IL1RAPL1: variants seen among roughly 807,000 people sequenced by gnomAD.
The protein encoded by IL1RAPL1 is interleukin-1 receptor accessory protein-like 1.
IL1RAPL1 carries 3 observed loss-of-function variants against 48.4 expected under a neutral mutation model. The observed-to-expected ratio is 0.06, with a 90% confidence interval of 0.03 to 0.16. IL1RAPL1 has a LOEUF of 0.16. IL1RAPL1 is among the 10% of genes least tolerant of loss of function. IL1RAPL1 has a pLI of 1.00. For missense variants in IL1RAPL1, 349 were observed against 530.6 expected (o/e 0.66, Z 3.36); for synonymous variants, 185 against 187.7 (o/e 0.99, Z 0.12).
intron 5 of IL1RAPL1, among the ~76,000 whole-genome samples, chrX:29,616,603 G>A (rs1342239854): frequency 9.2e-6 from 1 of 108,710 alleles, no homozygotes. Flanking sequence ...CCTTGTAGTA[G>A]TTTGCTGAGA....
intron 1 of IL1RAPL1, among the ~76,000 whole-genome samples, chrX:28,773,012 A>G (rs1661132037): frequency 9.0e-6 from 1 of 111,451 alleles, no homozygotes; most frequent in South Asian, 3.8e-4. Context: ...GTGATCACAT[A>G]TCTCCAATGA....
At chrX:28,616,308 G>T (rs780586752) in intron 1 of IL1RAPL1, among the ~76,000 whole-genome samples, 1 of 112,323 alleles carries the variant, frequency 8.9e-6, no homozygotes, top group African/African-American at 3.2e-5. Context: ...TTTCTGGTAC[G>T]TGCTTAGAAA....
chrX:28,884,686 C>T (rs921717308), intron 2 of IL1RAPL1, among the ~76,000 whole-genome samples: 5 of 111,784 alleles, frequency 4.5e-5, no homozygotes, highest in Non-Finnish European at 9.4e-5. Context: ...AGATTGATTA[C>T]TAAACTAACA....
chrX:28,885,315 C>T (rs1381997893), intron 2 of IL1RAPL1, among the ~76,000 whole-genome samples: 3 of 111,117 alleles, frequency 2.7e-5, no homozygotes, highest in Non-Finnish European at 3.8e-5. Context: ...ATCCAATTAA[C>T]TTTTTGCCTA....
intron 6 of IL1RAPL1, among the ~76,000 whole-genome samples, chrX:29,728,524 G>A (rs1340047440): frequency 1.8e-5 from 2 of 111,976 alleles, no homozygotes; most frequent in African/African-American, 6.5e-5. Flanking sequence ...CTGGATTTTA[G>A]AACAGAAAAT....
intron 2 of IL1RAPL1, among the ~76,000 whole-genome samples, chrX:28,958,446 C>T (rs920418747): frequency 8.1e-5 from 9 of 111,234 alleles, no homozygotes; most frequent in Middle Eastern, 4.7e-3. Flanking sequence ...ATTTGGGGGT[C>T]ATAACGTTTT....
rs201187319 is a variant in IL1RAPL1 at position 29,582,347 on chromosome X, ATC to A, written c.704-86081_704-86080del. Among the ~76,000 whole-genome samples, 107 of 85,763 alleles carry A rather than the reference ATC, an allele frequency of 1.2e-3. 2 individuals are homozygous for A. The highest frequency in any genetic ancestry group is 6.0e-3 in the African/African-American group (99 of 16,623). The allele number at this position is 85,763 out of a possible 115,157, so 74.5% of individuals were successfully genotyped here. On this transcript the variant is annotated intron_variant, in intron 5 of 10. Coordinates refer to ENST00000378993, the MANE Select transcript of IL1RAPL1 (RefSeq NM_014271.4). ...CTATTAAACTAATGATAAAGATAGC[ATC>A]TTTTTTTTTTTATTTTTTTATTTTT...
intron 2 of IL1RAPL1, among the ~76,000 whole-genome samples, chrX:28,956,948 T>C (rs1475014793): frequency 9.0e-6 from 1 of 110,945 alleles, no homozygotes; most frequent in Non-Finnish European, 1.9e-5. Context: ...GATCCTGTTA[T>C]TGGTCTATTC....
rs375613988 is a variant in IL1RAPL1 at position 28,944,161 on chromosome X, T to G, written c.82+154736T>G. Among the ~76,000 whole-genome samples, 13 of 110,992 alleles carry G rather than the reference T, an allele frequency of 1.2e-4. No homozygotes were observed. In the East Asian group the frequency reaches 2.2e-3, roughly 19 times the overall value. On this transcript the variant is annotated intron_variant, in intron 2 of 10. Coordinates refer to ENST00000378993, the MANE Select transcript of IL1RAPL1 (RefSeq NM_014271.4). ...ATGGGGGCAGAAGCTCATAATATTA[T>G]TTAAAAAATTATCGTGGAGAAAATT...
At chrX:29,373,725 C>T (rs1350571246) in intron 3 of IL1RAPL1, among the ~76,000 whole-genome samples, 1 of 109,973 alleles carries the variant, frequency 9.1e-6, no homozygotes, top group Non-Finnish European at 1.9e-5. Flanking sequence ...TGGTAAATTG[C>T]ATTTATTGAT....
At chrX:29,486,094 G>A (rs1178723000) in intron 5 of IL1RAPL1, among the ~76,000 whole-genome samples, 1 of 111,194 alleles carries the variant, frequency 9.0e-6, no homozygotes, top group Non-Finnish European at 1.9e-5. Flanking sequence ...TGCTCCTAGA[G>A]AGTTACTCTT....
chrX:29,179,159 G>C (rs969383751), intron 2 of IL1RAPL1, among the ~76,000 whole-genome samples: 51 of 110,776 alleles, frequency 4.6e-4, no homozygotes, highest in African/African-American at 1.6e-3. Flanking sequence ...TGATGGGAAT[G>C]GCATTGAATC....
Position 28,844,425 on chromosome X carries a change from T to C in IL1RAPL1, c.82+55000T>C, listed in dbSNP as rs62587497. 8.3e-3 allele frequency among the ~76,000 whole-genome samples: 903 copies of C among 109,053 alleles called. 9 individuals carry two copies. Among genetic ancestry groups the C allele is most frequent in the Non-Finnish European group, 0.012 (647 of 52,328 alleles). 94.7% of individuals were successfully genotyped at this position (109,053 alleles called of 115,157 possible). ...GCTTCCATTTATTCTCTTGGAACCC[T>C]GCTATCAACAGATGATGAAAGACTT... On this transcript the variant is annotated intron_variant, in intron 2 of 10. Transcript: ENST00000378993.
chrX:28,765,348 A>G (rs183481037), intron 1 of IL1RAPL1, among the ~76,000 whole-genome samples: 5 of 111,774 alleles, frequency 4.5e-5, no homozygotes, highest in Admixed American at 1.9e-4. Context: ...TCAGTGGGCT[A>G]GATTTGGCTC....
In IL1RAPL1 at chrX:29,335,255, GGGAGACGGAGACGGAGAC is replaced by G. The variant is rs1165942711; in HGVS notation, c.362+52044_362+52061del. On this transcript the variant is annotated intron_variant, in intron 3 of 10. Coordinates refer to ENST00000378993, the MANE Select transcript of IL1RAPL1 (RefSeq NM_014271.4). ...CTCGGCATCAGAGGGAGACCGTGGA[GGGAGACGGAGACGGAGAC>G]GGAGAGGGGAGAGGGGAGAGGGGAG... 6.4e-3 allele frequency among the ~76,000 whole-genome samples: 305 copies of G among 47,326 alleles called. 14 individuals carry two copies. Among genetic ancestry groups the G allele is most frequent in the Middle Eastern group, 0.01 (1 of 100 alleles). The allele number at this position is 47,326 out of a possible 115,157, so 41.1% of individuals were successfully genotyped here.
At chrX:28,645,297 A>AGATTG (rs1472067606) in intron 1 of IL1RAPL1, among the ~76,000 whole-genome samples, 1 of 88,826 alleles carries the variant, frequency 1.1e-5, no homozygotes, top group Non-Finnish European at 2.1e-5. Context: ...TGGTGGGCTG[A>AGATTG]GATTGTGCCA....
chrX:29,291,729 C>T (rs1428075009), intron 3 of IL1RAPL1, among the ~76,000 whole-genome samples: 1 of 112,277 alleles, frequency 8.9e-6, no homozygotes, highest in Non-Finnish European at 1.9e-5. Flanking sequence ...TGGCCCAGGC[C>T]TCTTTGCAAT....
intron 2 of IL1RAPL1, among the ~76,000 whole-genome samples, chrX:28,929,710 C>T (rs1327228774): frequency 8.9e-6 from 1 of 111,948 alleles, no homozygotes; most frequent in Non-Finnish European, 1.9e-5. Context: ...ATGGTTTGCA[C>T]AATAAATATT....
At chrX:28,768,711 C>G (rs866948278) in intron 1 of IL1RAPL1, among the ~76,000 whole-genome samples, 14 of 67,812 alleles carry the variant, frequency 2.1e-4, no homozygotes, top group South Asian at 8.4e-4. Context: ...GTTTCTCTCT[C>G]TCTCTCTCTC....
Sources: gnomAD v4.1 joint callset for allele counts (sites outside exome capture counted in the v4.1 genomes callset) on GRCh38, gnomAD v4.1.1 for gene constraint, MANE v1.5 for transcripts, NCBI Gene and HGNC (gene_info 2026-07-23, HGNC 2026-07-21) for gene names.